ACTN4: variants seen among roughly 807,000 people sequenced by gnomAD.
ACTN4 encodes actinin alpha 4.
Under a neutral mutation model 114.2 loss-of-function variants are expected in ACTN4, and 18 were observed. That is an observed-to-expected ratio of 0.16 (90% CI 0.11 to 0.23). ACTN4 has a LOEUF of 0.23. Ranked by LOEUF, ACTN4 falls within the 10% of genes least tolerant of loss-of-function variation. ACTN4 has a pLI of 1.00. For missense variants in ACTN4, 722 were observed against 1,262.9 expected, an observed-to-expected ratio of 0.57 and a Z score of 6.49; for synonymous variants, 515 against 506.3, an observed-to-expected ratio of 1.02 and a Z score of -0.23.
At chr19:38,659,049 TTTC>T (rs1723117952) in intron 1 of ACTN4, among the ~76,000 whole-genome samples, 1 of 126,908 alleles carries the variant, frequency 7.9e-6, no homozygotes, top group African/African-American at 2.8e-5. Context: ...GTAACTTTTT[TTTC>T]TTCTTTTCTT....
chr19:38,702,290 G>A (rs1968303294), intron 3 of ACTN4, among the ~76,000 whole-genome samples: 1 of 152,248 alleles, frequency 6.6e-6, no homozygotes, highest in Non-Finnish European at 1.5e-5. Context: ...CCCTGTGACT[G>A]TGGGGCCTTG....
chr19:38,700,163 G>C (rs1166387619), intron 1 of ACTN4, among the ~76,000 whole-genome samples: 1 of 152,156 alleles, frequency 6.6e-6, no homozygotes, highest in Non-Finnish European at 1.5e-5. Context: ...GAGGGCAGGA[G>C]CCCGACCTGT....
chr19:38,718,066 G>C lies in ACTN4; in HGVS notation c.1283G>C (p.Trp428Ser). The C allele has an allele frequency of 6.2e-7, 1 of 1,608,630 alleles. No homozygotes were observed. Among genetic ancestry groups the C allele is most frequent in the Non-Finnish European group, 8.5e-7 (1 of 1,177,610 alleles). ...FRQKASIHEAWTDGKEAMLKH... is the reference protein window; with the variant it reads ...FRQKASIHEASTDGKEAMLKH... ...CAGAAGGCCTCCATCCACGAGGCCT[G>C]GACTGACGGTACGGCCCAGCTCTGC... Residue 428 changes from tryptophan to serine, a missense_variant, in exon 11 of 21, where the codon TGG (tryptophan) becomes TCG (serine). Physicochemically the swap from Trp to Ser is radical, Grantham distance 177 (BLOSUM62 -3). Coordinates refer to ENST00000252699, the MANE Select transcript of ACTN4 (RefSeq NM_004924.6).
At chr19:38,684,406 C>T (rs935941693) in intron 1 of ACTN4, among the ~76,000 whole-genome samples, 2 of 152,136 alleles carry the variant, frequency 1.3e-5, no homozygotes, top group Non-Finnish European at 2.9e-5. Flanking sequence ...AAACTGAACC[C>T]ACACCTTCCC....
intron 1 of ACTN4, among the ~76,000 whole-genome samples, chr19:38,694,366 TCTC>T (rs2144968604): frequency 6.6e-6 from 1 of 151,958 alleles, no homozygotes; most frequent in East Asian, 1.9e-4. Context: ...TTCAAGCGAT[TCTC>T]CTGTCTCAGC....
rs143948203 is a variant in ACTN4 at position 38,729,314 on chromosome 19, C to G, written c.2618C>G (p.Pro873Arg). The part of the protein sequence containing the change: ...TAEELRRELP[P>R]DQAEYCIARM... Reference sequence around the variant, plus strand: ...GAGGAGCTGCGGAGAGAGCTGCCCCCCGACCAGGCCGAGTACTGCATCGCC... The same window carrying G: ...GAGGAGCTGCGGAGAGAGCTGCCCCGCGACCAGGCCGAGTACTGCATCGCC... Residue 873 changes from proline (P) to arginine (R), a missense_variant, in exon 21 of 21, where the codon CCC (proline) becomes CGC (arginine). This residue lies in a region of ACTN4 where 523 missense variants were observed against 875.9 expected (regional missense o/e 0.60). Coordinates refer to ENST00000252699, the MANE Select transcript of ACTN4 (RefSeq NM_004924.6). The G allele has an allele frequency of 4.3e-6, 7 of 1,612,756 alleles. No homozygotes were observed. Among genetic ancestry groups the G allele is most frequent in the Non-Finnish European group, 5.9e-6 (7 of 1,180,002 alleles).
intron 1 of ACTN4, among the ~76,000 whole-genome samples, chr19:38,649,304 G>A (rs1976487249): frequency 1.6e-5 from 2 of 127,208 alleles, no homozygotes; most frequent in South Asian, 3.0e-4. Context: ...TGGTTGAGGG[G>A]GGAGCTCTGA....
At chr19:38,666,169 G>C (rs552023395) in intron 1 of ACTN4, among the ~76,000 whole-genome samples, 1 of 149,268 alleles carries the variant, frequency 6.7e-6, no homozygotes, top group South Asian at 2.1e-4. Flanking sequence ...TTCCTCCCGC[G>C]CCCCCCCCTT....
chr19:38,701,985 C>T (rs763593364), intron 3 of ACTN4, among the ~76,000 whole-genome samples: 5 of 152,196 alleles, frequency 3.3e-5, no homozygotes, highest in South Asian at 2.1e-4. Context: ...AGGACCTCTG[C>T]GATGAGGGGT....
Position 38,717,982 on chromosome 19 carries a change from G to T in ACTN4, c.1199G>T (p.Trp400Leu). 6.2e-7 allele frequency: 1 copy of T among 1,608,684 alleles called. No individual in the cohort carries two copies. The highest frequency in any genetic ancestry group is 2.2e-5 in the East Asian group (1 of 44,720). ...LEQAEKGYEE[W>L]LLNEIRRLER... Reference sequence around the variant, plus strand: ...CAGGCTGAGAAGGGCTACGAGGAGTGGCTGCTGAATGAGATCCGCAGGCTG... The same window carrying T: ...CAGGCTGAGAAGGGCTACGAGGAGTTGCTGCTGAATGAGATCCGCAGGCTG... Residue 400 changes from tryptophan (W) to leucine (L), a missense_variant, in exon 11 of 21, where the codon TGG (tryptophan) becomes TTG (leucine). By Grantham distance (61) the Trp-to-Leu change is moderately conservative. Coordinates refer to ENST00000252699, the MANE Select transcript of ACTN4 (RefSeq NM_004924.6). This position sits in a 1 kb window ranked among gnomAD's most constrained non-coding sequence, Gnocchi z 4.0.
chr19:38,718,534 T>C (rs1790461750), intron 11 of ACTN4, among the ~76,000 whole-genome samples: 1 of 151,412 alleles, frequency 6.6e-6, no homozygotes, highest in Non-Finnish European at 1.5e-5. Flanking sequence ...AGACCCTGTC[T>C]CAAAAAAAAA....
chr19:38,723,855 C>T (rs1969133006), intron 13 of ACTN4, 82 bp from the exon 14 acceptor site: 5 of 1,542,174 alleles, frequency 3.2e-6, no homozygotes, highest in South Asian at 1.1e-5. Context: ...CCTCAGGGCC[C>T]TCTGGACCCC....
chr19:38,722,962 C>T (rs1488985746), intron 12 of ACTN4, among the ~76,000 whole-genome samples: 3 of 152,176 alleles, frequency 2.0e-5, no homozygotes, highest in African/African-American at 4.8e-5. Flanking sequence ...GCCTGTGGAC[C>T]GTCCAGGATG....
chr19:38,664,927 A>G (rs924962390), intron 1 of ACTN4, among the ~76,000 whole-genome samples: 9 of 152,108 alleles, frequency 5.9e-5, no homozygotes, highest in African/African-American at 2.2e-4. Context: ...GTTAAAGGCT[A>G]TTCAGGATCA....
Position 38,729,923 on chromosome 19 carries a change from C to G in ACTN4, c.*491C>G, listed in dbSNP as rs372527421. ...GGGACCCACCCAGCCCCTCTCCCCT[C>G]TCTGCTCCAGACTCACTTGCCATTG... is the stretch of plus-strand genomic sequence containing the variant. On this transcript the variant is annotated 3_prime_UTR_variant, in exon 21 of 21. Coordinates refer to ENST00000252699, the MANE Select transcript of ACTN4 (RefSeq NM_004924.6). The G allele has an allele frequency of 3.1e-4, 109 of 350,518 alleles. No homozygotes were observed. The East Asian group carries it at 5.9e-3, about 19-fold the overall frequency. 21.7% of individuals were successfully genotyped at this position (350,518 alleles called of 1,614,324 possible). A position where few individuals can be genotyped will look rare whatever the true frequency, so the allele number is the denominator to read the frequency against.
chr19:38,681,139 A>G (rs1176151251), intron 1 of ACTN4, among the ~76,000 whole-genome samples: 1 of 150,944 alleles, frequency 6.6e-6, no homozygotes, highest in African/African-American at 2.4e-5. Context: ...GAAAAAAAAA[A>G]AAAAAAAAAA....
In ACTN4 at chr19:38,680,215, T is replaced by G. The variant is rs1228139026; in HGVS notation, c.163-20385T>G. Among the ~76,000 whole-genome samples the G allele has an allele frequency of 3.0e-4, 6 of 20,190 alleles. No homozygotes were observed. In the South Asian group the frequency reaches 9.7e-3, roughly 33 times the overall value. The allele number at this position is 20,190 out of a possible 152,430, so 13.2% of individuals were successfully genotyped here. A position where few individuals can be genotyped will look rare whatever the true frequency, so the allele number is the denominator to read the frequency against. ...GTCCATAGCTGGAGCTCAGGAAGTT[T>G]TTTTTTTTTTTTTTTTTTTTTTTTT... On this transcript the variant is annotated intron_variant, in intron 1 of 20. Coordinates refer to ENST00000252699, the MANE Select transcript of ACTN4 (RefSeq NM_004924.6).
At chr19:38,708,284 G>T in intron 6 of ACTN4, 89 bp downstream of exon 6, 3 of 1,426,730 alleles carry the variant, frequency 2.1e-6, no homozygotes, top group African/African-American at 1.4e-5. Flanking sequence ...CCCTTCCATC[G>T]CCAGCCTCCA....
At chr19:38,677,653 T>G (rs1967422408) in intron 1 of ACTN4, among the ~76,000 whole-genome samples, 1 of 151,734 alleles carries the variant, frequency 6.6e-6, no homozygotes, top group African/African-American at 2.4e-5. Flanking sequence ...CCTGGGACAC[T>G]TCTAGGCCCA....
Sources: allele counts gnomAD v4.1 joint callset (sites outside exome capture counted in the v4.1 genomes callset), GRCh38; gene constraint gnomAD v4.1.1; regional missense constraint gnomAD v4.1.1; non-coding constraint Gnocchi (gnomAD v3.1); transcripts MANE v1.5; gene names NCBI Gene and HGNC (gene_info 2026-07-23, HGNC 2026-07-21).